Variants in GPR180 observed in about 807,000 individuals in gnomAD.
GPR180 encodes G protein-coupled receptor 180.
GPR180 carries 53 observed loss-of-function variants against 52.6 expected under a neutral mutation model. That is an observed-to-expected ratio of 1.01 (90% CI 0.81 to 1.27). GPR180 has a LOEUF of 1.27. Among genes scored for constraint, GPR180 ranks in the 50% most tolerant of loss-of-function variants. The pLI is 0.00. For missense variants in GPR180, 533 were observed against 527.0 expected, an observed-to-expected ratio of 1.01 and a Z score of -0.11; for synonymous variants, 200 against 193.1, an observed-to-expected ratio of 1.04 and a Z score of -0.30.
chr13:94,620,314 G>A (rs1170426163), intron 5 of GPR180, among the ~76,000 whole-genome samples: 1 of 151,560 alleles, frequency 6.6e-6, no homozygotes, highest in East Asian at 1.9e-4. Flanking sequence ...GAAGAAAAGT[G>A]ATAAGTTTTC....
In GPR180 at chr13:94,623,152, A is replaced by T. The variant is rs1171810977; in HGVS notation, c.938A>T (p.His313Leu). The change falls in exon 7 of 9, where the codon CAT becomes CTT. Residue 313 changes from histidine (H) to leucine (L), a missense_variant. Coordinates refer to ENST00000376958, the MANE Select transcript of GPR180 (RefSeq NM_180989.6). The part of the protein sequence containing the change: ...LWEQFEDISH[H>L]SYHSHHNLAG... Reference sequence around the variant, plus strand: ...GAACAGTTTGAAGATATCAGTCATCATAGCTACCATTCACACCACAACTTA... The same window carrying T: ...GAACAGTTTGAAGATATCAGTCATCTTAGCTACCATTCACACCACAACTTA... 1 of 1,613,906 alleles carries T rather than the reference A, an allele frequency of 6.2e-7. No homozygotes were observed. The highest frequency in any genetic ancestry group is 8.5e-7 in the Non-Finnish European group (1 of 1,179,962).
intron 6 of GPR180, among the ~76,000 whole-genome samples, chr13:94,622,072 A>G (rs776752182): frequency 6.6e-6 from 1 of 152,184 alleles, no homozygotes; most frequent in Non-Finnish European, 1.5e-5. Context: ...AGTATTTAAT[A>G]TAGTAGGTTT....
intron 1 of GPR180, among the ~76,000 whole-genome samples, chr13:94,603,294 G>A (rs1889584050): frequency 1.3e-5 from 2 of 152,138 alleles, no homozygotes; most frequent in African/African-American, 4.8e-5. Context: ...GGCACAATGT[G>A]GACAGTGTTG....
chr13:94,602,208 A>G, intron 1 of GPR180, 136 bp downstream of exon 1: 1 of 809,088 alleles, frequency 1.2e-6, no homozygotes, highest in Non-Finnish European at 1.7e-6. Flanking sequence ...CTGGACCTCC[A>G]GCGTTGCAGC....
intron 2 of GPR180, among the ~76,000 whole-genome samples, chr13:94,608,682 C>T (rs1290569891): frequency 6.6e-6 from 1 of 152,052 alleles, no homozygotes; most frequent in East Asian, 1.9e-4. Flanking sequence ...GTAATAGTAA[C>T]ACATATTTAA....
intron 2 of GPR180, among the ~76,000 whole-genome samples, chr13:94,610,147 C>T (rs1489634927): frequency 6.6e-6 from 1 of 152,088 alleles, no homozygotes. Flanking sequence ...CAGTTTGCCC[C>T]ACCATACCTA....
rs1889992182 is a variant in GPR180 at position 94,631,232 on chromosome 13, A to G, written c.*4061A>G. 6.6e-6 allele frequency: 1 copy of G among 152,128 alleles called. No individual in the cohort carries two copies. Among genetic ancestry groups the G allele is most frequent in the Non-Finnish European group, 1.5e-5 (1 of 68,040 alleles). The allele number at this position is 152,128 out of a possible 1,614,324, so 9.4% of individuals were successfully genotyped here. A position where few individuals can be genotyped will look rare whatever the true frequency, so the allele number is the denominator to read the frequency against. Reference sequence around the variant, plus strand: ...GAGAGACCTGTATGGCTTCCAGTCCATCCTCACAAGTTCCACTCAGTTCCC... The same window carrying G: ...GAGAGACCTGTATGGCTTCCAGTCCGTCCTCACAAGTTCCACTCAGTTCCC... On this transcript the variant is annotated 3_prime_UTR_variant, in exon 9 of 9. Coordinates refer to ENST00000376958, the MANE Select transcript of GPR180 (RefSeq NM_180989.6).
chr13:94,602,045 C>G lies in GPR180; in HGVS notation c.118C>G (p.Gln40Glu). The G allele has an allele frequency of 6.9e-7, 1 of 1,441,342 alleles. No individual in the cohort carries two copies. The highest frequency in any genetic ancestry group is 9.1e-7 in the Non-Finnish European group (1 of 1,096,056). 89.3% of individuals were successfully genotyped at this position (1,441,342 alleles called of 1,614,324 possible). ...SSTAAQDAQG[Q>E]RIGHFEFHGD... ...CACCGCGGCCCAGGACGCCCAGGGC[C>G]AGCGCATCGGCCACTTCGAGTTCCA... Residue 40 changes from glutamine (Q) to glutamate (E), a missense_variant, in exon 1 of 9, where the codon CAG (glutamine) becomes GAG (glutamate). Gln to Glu is a conservative substitution (Grantham distance 29, BLOSUM62 2). Coordinates refer to ENST00000376958, the MANE Select transcript of GPR180 (RefSeq NM_180989.6).
intron 7 of GPR180, among the ~76,000 whole-genome samples, chr13:94,624,715 T>A (rs1889902221): frequency 6.6e-6 from 1 of 152,194 alleles, no homozygotes; most frequent in South Asian, 2.1e-4. Context: ...GCTAAGTTTT[T>A]GTATTTTTAG....
rs545532713 is a variant in GPR180, at chr13:94,627,567, G to A, written c.*396G>A. On this transcript the variant is annotated 3_prime_UTR_variant, in exon 9 of 9. Transcript: ENST00000376958. ...TACTTGCTTATAAATATCTAAACTA[G>A]TCCAGTTATGAAATCAGTGTAATAC... The A allele has an allele frequency of 1.5e-4, 27 of 179,454 alleles. No individual in the cohort carries two copies. The highest frequency in any genetic ancestry group is 6.2e-4 in the African/African-American group (26 of 41,820). The allele number at this position is 179,454 out of a possible 1,614,324, so 11.1% of individuals were successfully genotyped here.
rs1890009936 is a variant in GPR180 at position 94,632,350 on chromosome 13, A to G, written c.*5179A>G. 6.6e-6 allele frequency: 1 copy of G among 152,198 alleles called. No individual in the cohort carries two copies. The highest frequency in any genetic ancestry group is 2.1e-4 in the South Asian group (1 of 4,832). The allele number at this position is 152,198 out of a possible 1,614,324, so 9.4% of individuals were successfully genotyped here. ...AAACTCTGTTACCAGTTATCTTTCT[A>G]GAAATGGCCCCATGCACATATAAAC... On this transcript the variant is annotated 3_prime_UTR_variant, in exon 9 of 9. Transcript: ENST00000376958.
intron 7 of GPR180, 110 bp downstream of exon 7, chr13:94,623,410 GCA>G: frequency 1.2e-6 from 1 of 815,680 alleles, no homozygotes; most frequent in Non-Finnish European, 1.9e-6. Flanking sequence ...TCTGGGTTGG[GCA>G]CAGTGGCTCA....
intron 1 of GPR180, among the ~76,000 whole-genome samples, chr13:94,603,821 C>T (rs889559135): frequency 6.6e-6 from 1 of 152,214 alleles, no homozygotes; most frequent in Non-Finnish European, 1.5e-5. Context: ...CCCAGAATCC[C>T]TTTCCCTAGA....
At position 94,627,118 on chromosome 13, in the gene GPR180, G is replaced by A; in HGVS notation, c.1270G>A (p.Val424Ile). Residue 424 changes from valine to isoleucine, a missense_variant, in exon 9 of 9, where the codon GTA becomes ATA. By Grantham distance (29) the Val-to-Ile change is conservative. Transcript: ENST00000376958. Reference sequence around the variant, plus strand: ...CTGGGAAGTTTCTTCACTTTCTTCAGTAACACTACCACTGACCATATCATC... The same window carrying A: ...CTGGGAAGTTTCTTCACTTTCTTCAATAACACTACCACTGACCATATCATC... ...LYWEVSSLSS[V>I]TLPLTISSGH... The A allele has an allele frequency of 1.2e-6, 2 of 1,613,074 alleles. No individual in the cohort carries two copies. Among genetic ancestry groups the A allele is most frequent in the South Asian group, 2.2e-5 (2 of 91,032 alleles).
At chr13:94,618,419 G>GGTTTTTTTTTTTTTTTTTTTTT (rs1566980109) in intron 3 of GPR180, among the ~76,000 whole-genome samples, 1 of 72,978 alleles carries the variant, frequency 1.4e-5, no homozygotes, top group African/African-American at 1.2e-4. Flanking sequence ...ATCAGCACAG[G>GGTTTTTTTTTTTTTTTTTTTTT]ATTTTTTTTT....
At chr13:94,603,746 A>C (rs988692904) in intron 1 of GPR180, among the ~76,000 whole-genome samples, 4 of 152,164 alleles carry the variant, frequency 2.6e-5, no homozygotes, top group Non-Finnish European at 2.9e-5. Flanking sequence ...AAAGCATAGA[A>C]AAAAAATTTC....
Position 94,634,437 on chromosome 13 carries a change from ATG to A in GPR180, c.*7270_*7271del, listed in dbSNP as rs1165034041. On this transcript the variant is annotated 3_prime_UTR_variant, in exon 9 of 9. Transcript: ENST00000376958. ...ACTTATATATTAAGTAATCAGAAGT[ATG>A]TGTTTCTCAATCACCTTTTAAAGAC... The A allele has an allele frequency of 6.6e-6, 1 of 152,070 alleles. No individual in the cohort carries two copies. Among genetic ancestry groups the A allele is most frequent in the African/African-American group, 2.4e-5 (1 of 41,432 alleles). The allele number at this position is 152,070 out of a possible 1,614,324, so 9.4% of individuals were successfully genotyped here.
At chr13:94,616,819 AAG>A (rs1889784079) in intron 3 of GPR180, among the ~76,000 whole-genome samples, 1 of 150,008 alleles carries the variant, frequency 6.7e-6, no homozygotes, top group African/African-American at 2.5e-5. Flanking sequence ...TTGGTAGCTG[AAG>A]AGAGGAAGAA....
chr13:94,625,062 C>T (rs1034732794), intron 7 of GPR180, among the ~76,000 whole-genome samples: 1 of 152,210 alleles, frequency 6.6e-6, no homozygotes, highest in Non-Finnish European at 1.5e-5. Flanking sequence ...GATCCGCCCG[C>T]CTCGGCCTCC....
Sources: gnomAD v4.1 joint callset for allele counts (sites outside exome capture counted in the v4.1 genomes callset) on GRCh38, gnomAD v4.1.1 for gene constraint, MANE v1.5 for transcripts, NCBI Gene and HGNC (gene_info 2026-07-23, HGNC 2026-07-21) for gene names.